Variants in KCND3 observed in about 807,000 individuals in gnomAD.
The protein encoded by KCND3 is A-type voltage-gated potassium channel KCND3.
KCND3 carries 9 observed loss-of-function variants against 51.1 expected under a neutral mutation model. That is an observed-to-expected ratio of 0.18 (90% CI 0.11 to 0.31). The LOEUF (loss-of-function observed/expected upper bound fraction) is 0.31. Ranked by LOEUF, KCND3 falls within the 10% of genes least tolerant of loss-of-function variation. KCND3 has a pLI of 1.00. For synonymous variants in KCND3, 349 were observed against 368.0 expected, an observed-to-expected ratio of 0.95 and a Z score of 0.59; for missense variants, 526 against 903.8, an observed-to-expected ratio of 0.58 and a Z score of 5.36.
At position 111,980,821 on chromosome 1, in the gene KCND3, T is replaced by C. The variant is rs951250317; in HGVS notation, c.1106+800A>G. ...ATGAATACATTTCTGTGACCTCAGC[T>C]GGAGAGGAGACCTCGGAGAGACGGA... is the stretch of plus-strand genomic sequence containing the variant. On this transcript the variant is annotated intron_variant, in intron 2 of 7. Transcript: ENST00000302127. Among the ~76,000 whole-genome samples, 165 of 152,302 alleles carry C rather than the reference T, an allele frequency of 1.1e-3. 1 individual carries two copies. Among genetic ancestry groups the C allele is most frequent in the African/African-American group, 3.8e-3 (158 of 41,560 alleles).
At position 111,926,361 on chromosome 1, in the gene KCND3, T is replaced by C. The variant is rs114968948; in HGVS notation, c.1106+55260A>G. Reference sequence around the variant, plus strand: ...TTCAGCATTTCTATACATGATATCATTTGAACTCCATAGCCAACCTCTTAT... The same window carrying C: ...TTCAGCATTTCTATACATGATATCACTTGAACTCCATAGCCAACCTCTTAT... On this transcript the variant is annotated intron_variant, in intron 2 of 7. Coordinates refer to ENST00000302127, the MANE Select transcript of KCND3 (RefSeq NM_001378969.1). Among the ~76,000 whole-genome samples, 614 of 152,334 alleles carry C rather than the reference T, an allele frequency of 4.0e-3. 3 individuals are homozygous for C. The highest frequency in any genetic ancestry group is 0.014 in the African/African-American group (587 of 41,574).
intron 2 of KCND3, among the ~76,000 whole-genome samples, chr1:111,919,612 A>G (rs999643196): frequency 1.3e-5 from 2 of 152,130 alleles, no homozygotes; most frequent in Non-Finnish European, 2.9e-5. Flanking sequence ...TATTCTAAGT[A>G]CCTCAATTTG....
intron 2 of KCND3, among the ~76,000 whole-genome samples, chr1:111,816,518 A>G (rs1237410444): frequency 1.3e-5 from 2 of 152,228 alleles, no homozygotes; most frequent in African/African-American, 4.8e-5. Flanking sequence ...GCTCTCAAGG[A>G]GTGGCTGTCC....
At chr1:111,812,993 A>C (rs1421449518) in intron 2 of KCND3, among the ~76,000 whole-genome samples, 1 of 152,164 alleles carries the variant, frequency 6.6e-6, no homozygotes, top group African/African-American at 2.4e-5. Context: ...TTCAGGCTCC[A>C]AAGTCAAGTA....
At chr1:111,776,960 C>T in intron 7 of KCND3, 66 bp downstream of exon 7, 1 of 1,609,006 alleles carries the variant, frequency 6.2e-7, no homozygotes, top group Non-Finnish European at 8.5e-7. Context: ...CCTAATGCTG[C>T]AATTGTCTAA....
At chr1:111,831,341 G>A (rs1370872678) in intron 2 of KCND3, among the ~76,000 whole-genome samples, 2 of 152,116 alleles carry the variant, frequency 1.3e-5, no homozygotes, top group Admixed American at 1.3e-4. Flanking sequence ...ATTGGATCCT[G>A]GGGGCAGATT....
At chr1:111,850,029 C>T (rs1403266937) in intron 2 of KCND3, among the ~76,000 whole-genome samples, 1 of 152,162 alleles carries the variant, frequency 6.6e-6, no homozygotes, top group East Asian at 1.9e-4. Flanking sequence ...TACCTTCTTG[C>T]CTAGGTAACC....
At chr1:111,887,118 G>A (rs1192331453) in intron 2 of KCND3, among the ~76,000 whole-genome samples, 1 of 152,190 alleles carries the variant, frequency 6.6e-6, no homozygotes, top group African/African-American at 2.4e-5. Flanking sequence ...TTTTGGTGGA[G>A]GTGGTGGTCT....
At chr1:111,944,848 C>G (rs1672702641) in intron 2 of KCND3, among the ~76,000 whole-genome samples, 2 of 152,218 alleles carry the variant, frequency 1.3e-5, no homozygotes, top group Admixed American at 1.3e-4. Context: ...ACCGGAGGCC[C>G]AGGTTGAACC....
intron 2 of KCND3, among the ~76,000 whole-genome samples, chr1:111,935,423 A>C (rs1672173356): frequency 6.6e-6 from 1 of 152,184 alleles, no homozygotes; most frequent in Admixed American, 6.5e-5. Flanking sequence ...ACTCATTTAC[A>C]TGGAGAGAGA....
Position 111,965,438 on chromosome 1 carries a change from CCACACACACACACACA to C in KCND3, c.1106+16167_1106+16182del, listed in dbSNP as rs56156826. On this transcript the variant is annotated intron_variant, in intron 2 of 7. Coordinates refer to ENST00000302127, the MANE Select transcript of KCND3 (RefSeq NM_001378969.1). Reference sequence around the variant, plus strand: ...CCCCGACCCCTTATGGCCAGCAAAACCACACACACACACACACACACACACACACACACACACACAC... The same window carrying C: ...CCCCGACCCCTTATGGCCAGCAAAACCACACACACACACACACACACACAC... 6.7e-3 allele frequency among the ~76,000 whole-genome samples: 485 copies of C among 72,412 alleles called. 6 individuals are homozygous for C. The highest frequency in any genetic ancestry group is 0.023 in the African/African-American group (463 of 20,266). The allele number at this position is 72,412 out of a possible 152,430, so 47.5% of individuals were successfully genotyped here.
In KCND3 at chr1:111,775,848, C is replaced by T. The variant is rs1257533321; in HGVS notation, c.*229G>A. The stretch of plus-strand genomic sequence containing the variant: ...CCCCACCCTCCCTCCCTTCCTCTGG[C>T]CCCAGTGAGATGCAGTATCACAGGG... On this transcript the variant is annotated 3_prime_UTR_variant, in exon 8 of 8. Transcript: ENST00000302127. 4.6e-6 allele frequency: 1 copy of T among 218,866 alleles called. No individual in the cohort carries two copies. The highest frequency in any genetic ancestry group is 9.2e-6 in the Non-Finnish European group (1 of 109,206). The allele number at this position is 218,866 out of a possible 1,614,324, so 13.6% of individuals were successfully genotyped here. A position where few individuals can be genotyped will look rare whatever the true frequency, so the allele number is the denominator to read the frequency against.
chr1:111,980,203 AGTGTGTGTGT>A (rs58988523), intron 2 of KCND3, among the ~76,000 whole-genome samples: 2 of 142,956 alleles, frequency 1.4e-5, no homozygotes, highest in South Asian at 2.3e-4. Context: ...CCATTTGAAG[AGTGTGTGTGT>A]GTGTGTGTGT....
At chr1:111,799,893 C>T (rs987263728) in intron 2 of KCND3, among the ~76,000 whole-genome samples, 3 of 152,252 alleles carry the variant, frequency 2.0e-5, no homozygotes, top group Non-Finnish European at 4.4e-5. Flanking sequence ...CTACCGGTCT[C>T]CTGTCAATAG....
At chr1:111,846,246 A>C (rs1667542592) in intron 2 of KCND3, among the ~76,000 whole-genome samples, 2 of 152,154 alleles carry the variant, frequency 1.3e-5, no homozygotes. Context: ...ATCCACTTAT[A>C]CTGAAATATT....
chr1:111,790,366 T>C (rs1664775839), intron 2 of KCND3, among the ~76,000 whole-genome samples: 1 of 152,212 alleles, frequency 6.6e-6, no homozygotes, highest in Non-Finnish European at 1.5e-5. Context: ...AATTAGCCAG[T>C]GTAGTGGGCA....
At position 111,981,656 on chromosome 1, in the gene KCND3, C is replaced by A. The variant is rs776026955; in HGVS notation, c.1071G>T (p.Ser357=). 2 of 1,614,180 alleles carry A rather than the reference C, an allele frequency of 1.2e-6. No individual in the cohort carries two copies. Among genetic ancestry groups the A allele is most frequent in the South Asian group, 1.1e-5 (1 of 91,086 alleles). The change falls in exon 2 of 8, where the codon TCG becomes TCT. Residue 357 remains serine (S), a synonymous_variant. Coordinates refer to ENST00000302127, the MANE Select transcript of KCND3 (RefSeq NM_001378969.1). This position sits in a 1 kb window ranked among gnomAD's most constrained non-coding sequence, Gnocchi z 6.2. ...SASKFTSIPA[S]FWYTIVTMTT... ...TCATGGTGACAATGGTGTACCAAAA[C>A]GAGGCAGGGATGCTTGTGAACTTGC...
At chr1:111,813,361 G>C (rs1242318662) in intron 2 of KCND3, among the ~76,000 whole-genome samples, 1 of 152,210 alleles carries the variant, frequency 6.6e-6, no homozygotes, top group African/African-American at 2.4e-5. Flanking sequence ...TACATGAAGA[G>C]TCAGAAAAGA....
chr1:111,772,687 T>G lies in KCND3; in HGVS notation c.*3390A>C, dbSNP rs1663969813. On this transcript the variant is annotated 3_prime_UTR_variant, in exon 8 of 8. Coordinates refer to ENST00000302127, the MANE Select transcript of KCND3 (RefSeq NM_001378969.1). Reference sequence around the variant, plus strand: ...GATATTCTTAAATCTTTTCTAGTTCTGATATGCTCTTAATACTACATTTTC... The same window carrying G: ...GATATTCTTAAATCTTTTCTAGTTCGGATATGCTCTTAATACTACATTTTC... The G allele has an allele frequency of 6.6e-6, 1 of 152,252 alleles. No individual in the cohort carries two copies. The highest frequency in any genetic ancestry group is 2.4e-5 in the African/African-American group (1 of 41,458). 9.4% of individuals were successfully genotyped at this position (152,252 alleles called of 1,614,324 possible). A position where few individuals can be genotyped will look rare whatever the true frequency, so the allele number is the denominator to read the frequency against.
Sources: allele counts gnomAD v4.1 joint callset (sites outside exome capture counted in the v4.1 genomes callset), GRCh38; gene constraint gnomAD v4.1.1; non-coding constraint Gnocchi (gnomAD v3.1); transcripts MANE v1.5; gene names NCBI Gene and HGNC (gene_info 2026-07-23, HGNC 2026-07-21).